Variants in ORAI3 observed in about 807,000 individuals in gnomAD.
The protein encoded by ORAI3 is ORAI calcium release-activated calcium modulator 3, also known as protein orai-3.
A neutral mutation model predicts 17.2 loss-of-function variants in ORAI3; 15 were observed. The observed-to-expected ratio is 0.87, with a 90% CI of 0.58 to 1.34. The LOEUF is 1.34. Ranked by LOEUF, ORAI3 falls within the 40% of genes most tolerant of loss-of-function variation. The probability of loss-of-function intolerance (pLI) is 0.00; values close to 1 mark genes in which losing one functional copy is unlikely to be tolerated. For synonymous variants in ORAI3, 178 were observed against 172.4 expected (o/e 1.03, Z -0.25); for missense variants, 405 against 396.7 (o/e 1.02, Z -0.18).
chr16:30,949,323 GC>G lies in ORAI3; in HGVS notation c.38del (p.Pro13ArgfsTer2). On this transcript the variant is annotated frameshift_variant, in exon 1 of 2. Transcript: ENST00000318663. LOFTEE classifies it high-confidence loss of function. Reference sequence around the variant, plus strand: ...CGGCGAGGGGGACGCGGGCGAGCAGGCCCCGCTGAACCCTGAGGGCGAGAGC... The same window carrying G: ...CGGCGAGGGGGACGCGGGCGAGCAGGCCCGCTGAACCCTGAGGGCGAGAGC... The part of the protein sequence containing the change: ...KGGEGDAGEQ[A>X]PLNPEGESPA... 6.9e-7 allele frequency: 1 copy of G among 1,456,518 alleles called. No individual in the cohort carries two copies. 90.2% of individuals were successfully genotyped at this position (1,456,518 alleles called of 1,614,324 possible). A position where few individuals can be genotyped will look rare whatever the true frequency, so the allele number is the denominator to read the frequency against.
chr16:30,954,083 C>A lies in ORAI3; in HGVS notation c.*239C>A. 1 of 704,248 alleles carries A rather than the reference C, an allele frequency of 1.4e-6. No homozygotes were observed. Among genetic ancestry groups the A allele is most frequent in the Non-Finnish European group, 2.6e-6 (1 of 386,478 alleles). The allele number at this position is 704,248 out of a possible 1,614,324, so 43.6% of individuals were successfully genotyped here. On this transcript the variant is annotated 3_prime_UTR_variant, in exon 2 of 2. Transcript: ENST00000318663. ...CCCTTGGGTTTTGCAAGCTACTCTG[C>A]ACCTGGGCTGGCCTCAGTTGAAGGA...
Position 30,954,126 on chromosome 16 carries a change from G to T in ORAI3, c.*282G>T. 2 of 702,682 alleles carry T rather than the reference G, an allele frequency of 2.8e-6. No homozygotes were observed. The highest frequency in any genetic ancestry group is 5.2e-6 in the Non-Finnish European group (2 of 385,054). The allele number at this position is 702,682 out of a possible 1,614,324, so 43.5% of individuals were successfully genotyped here. ...TTGAAGGATCATGCAGTAGATAGAG[G>T]GGAGGCAGGGAGAGCTTGTGGGACC... On this transcript the variant is annotated 3_prime_UTR_variant, in exon 2 of 2. Coordinates refer to ENST00000318663, the MANE Select transcript of ORAI3 (RefSeq NM_152288.3).
At chr16:30,952,954 CCGCGCCCGGCCAT>C (rs1191080232) in intron 1 of ORAI3, among the ~76,000 whole-genome samples, 8 of 152,192 alleles carry the variant, frequency 5.3e-5, no homozygotes, top group Non-Finnish European at 1.0e-4. Context: ...GCATGAACCG[CCGCGCCCGGCCAT>C]CCAGCCCTCT....
chr16:30,951,783 C>T (rs1002436049), intron 1 of ORAI3, among the ~76,000 whole-genome samples: 1 of 152,004 alleles, frequency 6.6e-6, no homozygotes, highest in Non-Finnish European at 1.5e-5. Flanking sequence ...TGATAGTTGC[C>T]ATGCAGGAAC....
rs1702844832 is a variant in ORAI3 at position 30,949,201 on chromosome 16, G to A, written c.-89G>A. 1.8e-5 allele frequency: 17 copies of A among 938,064 alleles called. No individual in the cohort carries two copies. In the South Asian group the frequency reaches 3.5e-4, roughly 19 times the overall value. The allele number at this position is 938,064 out of a possible 1,614,324, so 58.1% of individuals were successfully genotyped here. On this transcript the variant is annotated 5_prime_UTR_variant, in exon 1 of 2. Transcript: ENST00000318663. ...ATCCTGCTCGTCCTGTCTGGGAATG[G>A]GGCCGCCCCCGGGCTTGGGCCGGCC...
Position 30,949,561 on chromosome 16 carries a change from G to A in ORAI3, c.228+44G>A, listed in dbSNP as rs768725593. On this transcript the variant is annotated intron_variant, in intron 1 of 1. Transcript: ENST00000318663. ...TCACACCCGGTGGGGCAGAGCAAGT[G>A]GGGGGCACAGGTCGGGGGGGGGGCG... is the stretch of plus-strand genomic sequence containing the variant. 2.0e-5 allele frequency: 18 copies of A among 914,438 alleles called. No individual in the cohort carries two copies. In the South Asian group the frequency reaches 2.3e-4, roughly 12 times the overall value. 56.6% of individuals were successfully genotyped at this position (914,438 alleles called of 1,614,324 possible). A position where few individuals can be genotyped will look rare whatever the true frequency, so the allele number is the denominator to read the frequency against.
At position 30,949,083 on chromosome 16, in the gene ORAI3, C is replaced by G. The variant is rs1044529841; in HGVS notation, c.-207C>G. ...CCTCTGTCCCAGTTCCTGTTTTGGC[C>G]TCCGCTGTCCCGCTCCGGCTCCTGG... On this transcript the variant is annotated 5_prime_UTR_variant, in exon 1 of 2. Coordinates refer to ENST00000318663, the MANE Select transcript of ORAI3 (RefSeq NM_152288.3). 1 of 445,442 alleles carries G rather than the reference C, an allele frequency of 2.2e-6. No homozygotes were observed. Among genetic ancestry groups the G allele is most frequent in the African/African-American group, 2.1e-5 (1 of 48,664 alleles). 27.6% of individuals were successfully genotyped at this position (445,442 alleles called of 1,614,324 possible).
At position 30,949,280 on chromosome 16, in the gene ORAI3, C is replaced by CG; in HGVS notation, c.-10_-9insG. On this transcript the variant is annotated 5_prime_UTR_variant, in exon 1 of 2. Coordinates refer to ENST00000318663, the MANE Select transcript of ORAI3 (RefSeq NM_152288.3). ...CCGTAGTGACCGCCTGGTGCCGCCC[C>CG]CCCCCCAGGATGAAGGGCGGCGAGG... The CG allele has an allele frequency of 1.4e-6, 2 of 1,394,982 alleles. No homozygotes were observed. The highest frequency in any genetic ancestry group is 1.6e-5 in the South Asian group (1 of 63,330). 86.4% of individuals were successfully genotyped at this position (1,394,982 alleles called of 1,614,324 possible). A position where few individuals can be genotyped will look rare whatever the true frequency, so the allele number is the denominator to read the frequency against.
In ORAI3 at chr16:30,953,461, G is replaced by C; in HGVS notation, c.505G>C (p.Val169Leu). 2 of 1,614,268 alleles carry C rather than the reference G, an allele frequency of 1.2e-6. No individual in the cohort carries two copies. The highest frequency in any genetic ancestry group is 1.7e-6 in the Non-Finnish European group (2 of 1,180,044). Reference protein sequence around the residue: ...TFLFLAEVVLVGWVKFVPIGA... With the variant: ...TFLFLAEVVLLGWVKFVPIGA... ...TCTCTTCCTTGCTGAAGTTGTCCTG[G>C]TTGGTTGGGTCAAGTTTGTGCCCAT... is the stretch of plus-strand genomic sequence containing the variant. The change falls in exon 2 of 2, where the codon GTT becomes CTT. Residue 169 changes from valine (V) to leucine (L), a missense_variant. Coordinates refer to ENST00000318663, the MANE Select transcript of ORAI3 (RefSeq NM_152288.3).
In ORAI3 at chr16:30,949,098, C is replaced by T. The variant is rs1003507477; in HGVS notation, c.-192C>T. ...CTGTTTTGGCCTCCGCTGTCCCGCT[C>T]CGGCTCCTGGGGCTCCCCGCAGACG... On this transcript the variant is annotated 5_prime_UTR_variant, in exon 1 of 2. Coordinates refer to ENST00000318663, the MANE Select transcript of ORAI3 (RefSeq NM_152288.3). The T allele has an allele frequency of 6.3e-6, 3 of 475,952 alleles. No homozygotes were observed. The highest frequency in any genetic ancestry group is 2.0e-5 in the African/African-American group (1 of 48,796). 29.5% of individuals were successfully genotyped at this position (475,952 alleles called of 1,614,324 possible).
In ORAI3 at chr16:30,953,551, C is replaced by G; in HGVS notation, c.595C>G (p.Pro199Ala). 6.2e-7 allele frequency: 1 copy of G among 1,614,252 alleles called. No individual in the cohort carries two copies. Among genetic ancestry groups the G allele is most frequent in the Non-Finnish European group, 8.5e-7 (1 of 1,180,032 alleles). Residue 199 changes from proline to alanine, a missense_variant, in exon 2 of 2, where the codon CCA (proline) becomes GCA (alanine). Pro to Ala is a conservative substitution (Grantham distance 27, BLOSUM62 -1). Transcript: ENST00000318663. Reference sequence around the variant, plus strand: ...ATCCCGGGTGCCCGGGACTCTGGCACCAGTGGCTACCTCCCTTAGTCCAGC... The same window carrying G: ...ATCCCGGGTGCCCGGGACTCTGGCAGCAGTGGCTACCTCCCTTAGTCCAGC... ...PTSRVPGTLAPVATSLSPASN... is the reference protein window; with the variant it reads ...PTSRVPGTLAAVATSLSPASN...
At chr16:30,952,961 C>G (rs1567344611) in intron 1 of ORAI3, among the ~76,000 whole-genome samples, 1 of 152,158 alleles carries the variant, frequency 6.6e-6, no homozygotes, top group African/African-American at 2.4e-5. Context: ...CCGCCGCGCC[C>G]GGCCATCCAG....
At chr16:30,950,460 T>A (rs2055919331) in intron 1 of ORAI3, among the ~76,000 whole-genome samples, 1 of 152,170 alleles carries the variant, frequency 6.6e-6, no homozygotes, top group Admixed American at 6.5e-5. Context: ...CCAGGGTTGC[T>A]GCTCTGTTAG....
In ORAI3 at chr16:30,953,835, G is replaced by A. The variant is rs769035066; in HGVS notation, c.879G>A (p.Gln293=). The A allele has an allele frequency of 5.0e-6, 8 of 1,607,948 alleles. No homozygotes were observed. In the East Asian group the frequency reaches 1.8e-4, roughly 36 times the overall value. ...TGAATCGCCTGCAGGGGGAGCTGCAGGCTGTGTGAGACTGGTGTTAGCCAC... is the reference window on the plus strand; with the variant it reads ...TGAATCGCCTGCAGGGGGAGCTGCAAGCTGTGTGAGACTGGTGTTAGCCAC... The part of the protein sequence containing the change: ...EELNRLQGEL[Q]AV Residue 293 remains glutamine, a synonymous_variant, in exon 2 of 2, where the codon CAG becomes CAA. Transcript: ENST00000318663.
intron 1 of ORAI3, among the ~76,000 whole-genome samples, chr16:30,950,261 G>A (rs1294422637): frequency 1.3e-5 from 2 of 152,102 alleles, no homozygotes; most frequent in Non-Finnish European, 2.9e-5. Flanking sequence ...CCTCCACCCC[G>A]CTTGCAAGCC....
At position 30,954,458 on chromosome 16, in the gene ORAI3, T is replaced by G; in HGVS notation, c.*614T>G. 4.2e-6 allele frequency: 1 copy of G among 239,070 alleles called. No homozygotes were observed. Among genetic ancestry groups the G allele is most frequent in the Non-Finnish European group, 8.2e-6 (1 of 122,474 alleles). The allele number at this position is 239,070 out of a possible 1,614,324, so 14.8% of individuals were successfully genotyped here. On this transcript the variant is annotated 3_prime_UTR_variant, in exon 2 of 2. Coordinates refer to ENST00000318663, the MANE Select transcript of ORAI3 (RefSeq NM_152288.3). The stretch of plus-strand genomic sequence containing the variant: ...TCAAACTCCTGGGCTCAAGTGAACC[T>G]CCCGCCTCGGCCTCCCAAAGTGCTG...
At position 30,954,414 on chromosome 16, in the gene ORAI3, C is replaced by T. The variant is rs1445078101; in HGVS notation, c.*570C>T. 10 of 335,034 alleles carry T rather than the reference C, an allele frequency of 3.0e-5. No homozygotes were observed. Among genetic ancestry groups the T allele is most frequent in the South Asian group, 1.9e-4 (5 of 25,726 alleles). The allele number at this position is 335,034 out of a possible 1,614,324, so 20.8% of individuals were successfully genotyped here. A position where few individuals can be genotyped will look rare whatever the true frequency, so the allele number is the denominator to read the frequency against. On this transcript the variant is annotated 3_prime_UTR_variant, in exon 2 of 2. Transcript: ENST00000318663. ...TAATTTTTTTGTAGAGACGGGGTTT[C>T]GCTGTTCCCAGGCTGGTCTCAAACT... is the stretch of plus-strand genomic sequence containing the variant.
chr16:30,949,264 C>T lies in ORAI3; in HGVS notation c.-26C>T, dbSNP rs1044757355. On this transcript the variant is annotated 5_prime_UTR_variant, in exon 1 of 2. Coordinates refer to ENST00000318663, the MANE Select transcript of ORAI3 (RefSeq NM_152288.3). ...CCGAGGCGCTTCCGCCCCGTAGTGA[C>T]CGCCTGGTGCCGCCCCCCCCCCAGG... is the stretch of plus-strand genomic sequence containing the variant. The T allele has an allele frequency of 8.0e-6, 11 of 1,379,236 alleles. No homozygotes were observed. The African/African-American group carries it at 1.7e-4, about 21-fold the overall frequency. 85.4% of individuals were successfully genotyped at this position (1,379,236 alleles called of 1,614,324 possible). A position where few individuals can be genotyped will look rare whatever the true frequency, so the allele number is the denominator to read the frequency against.
rs2055939425 is a variant in ORAI3 at position 30,954,029 on chromosome 16, A to G, written c.*185A>G. On this transcript the variant is annotated 3_prime_UTR_variant, in exon 2 of 2. Coordinates refer to ENST00000318663, the MANE Select transcript of ORAI3 (RefSeq NM_152288.3). ...GGCTGGGCCTTGGGGCAGCTCCCAC[A>G]TTCCCAGGGATTTTCCCCATCAGTC... 8.2e-6 allele frequency: 6 copies of G among 729,532 alleles called. No homozygotes were observed. Among genetic ancestry groups the G allele is most frequent in the Non-Finnish European group, 1.2e-5 (5 of 409,742 alleles). The allele number at this position is 729,532 out of a possible 1,614,324, so 45.2% of individuals were successfully genotyped here. A position where few individuals can be genotyped will look rare whatever the true frequency, so the allele number is the denominator to read the frequency against.
Sources: allele counts gnomAD v4.1 joint callset (sites outside exome capture counted in the v4.1 genomes callset), GRCh38; gene constraint gnomAD v4.1.1; transcripts MANE v1.5; gene names NCBI Gene and HGNC (gene_info 2026-07-23, HGNC 2026-07-21).